MKX: variants seen among roughly 807,000 people sequenced by gnomAD.
MKX encodes homeobox protein Mohawk.
A neutral mutation model predicts 36.0 loss-of-function variants in MKX; 13 were observed. The observed-to-expected ratio is 0.36, with a 90% CI of 0.24 to 0.57. MKX has a LOEUF of 0.57. MKX is among the 20% of genes least tolerant of loss of function. The probability of loss-of-function intolerance (pLI) is 0.79; values close to 1 mark genes in which losing one functional copy is unlikely to be tolerated. For missense variants in MKX, 458 were observed against 456.4 expected, an observed-to-expected ratio of 1.00 and a Z score of -0.03; for synonymous variants, 176 against 178.3, an observed-to-expected ratio of 0.99 and a Z score of 0.10.
chr10:27,707,923 G>C (rs1252274066), intron 5 of MKX, among the ~76,000 whole-genome samples: 2 of 152,168 alleles, frequency 1.3e-5, no homozygotes, highest in African/African-American at 4.8e-5. Flanking sequence ...TGTCACACAA[G>C]TGTAGATGAA....
intron 5 of MKX, among the ~76,000 whole-genome samples, chr10:27,730,755 G>T (rs1347629543): frequency 6.6e-6 from 1 of 151,808 alleles, no homozygotes; most frequent in Non-Finnish European, 1.5e-5. Flanking sequence ...ACCATGCCCG[G>T]CCTCAATTGG....
At chr10:27,684,080 G>A (rs1364238340) in intron 5 of MKX, among the ~76,000 whole-genome samples, 9 of 152,184 alleles carry the variant, frequency 5.9e-5, no homozygotes, top group Admixed American at 2.0e-4. Context: ...TTGGGAGACC[G>A]AGGTGGGAGG....
In MKX at chr10:27,742,406, C is replaced by G. The variant is rs1305210742; in HGVS notation, c.188+822G>C. Among the ~76,000 whole-genome samples, 2 of 152,170 alleles carry G rather than the reference C, an allele frequency of 1.3e-5. No homozygotes were observed. The highest frequency in any genetic ancestry group is 2.9e-5 in the Non-Finnish European group (2 of 68,010). On this transcript the variant is annotated intron_variant, in intron 2 of 6. Transcript: ENST00000419761. The surrounding 1 kb of genome is among the most constrained non-coding windows in gnomAD (Gnocchi z 4.2). ...CTTTGAAATGCAATTCCACCCGAAA[C>G]GACTGGTAGTAACATTTTGACGAAA...
chr10:27,740,407 C>T (rs113442829), intron 3 of MKX, among the ~76,000 whole-genome samples: 24 of 152,180 alleles, frequency 1.6e-4, no homozygotes, highest in African/African-American at 5.1e-4. Flanking sequence ...TTCAAGCCAC[C>T]GTATTTATTT....
intron 5 of MKX, among the ~76,000 whole-genome samples, chr10:27,690,690 G>A (rs969519678): frequency 1.4e-4 from 21 of 152,150 alleles, no homozygotes; most frequent in African/African-American, 4.8e-4. Flanking sequence ...GTGGCACTCT[G>A]CTCCCTGACT....
At chr10:27,686,633 T>C (rs546287841) in intron 5 of MKX, among the ~76,000 whole-genome samples, 5 of 151,858 alleles carry the variant, frequency 3.3e-5, no homozygotes, top group East Asian at 3.9e-4. Flanking sequence ...CCCACCACCA[T>C]GCCCAGCTAA....
In MKX at chr10:27,734,670, G is replaced by A; in HGVS notation, c.624C>T (p.Ala208=). 1 of 1,614,092 alleles carries A rather than the reference G, an allele frequency of 6.2e-7. No homozygotes were observed. Residue 208 remains alanine, a synonymous_variant, in exon 5 of 7, where the codon GCC becomes GCT. Coordinates refer to ENST00000419761, the MANE Select transcript of MKX (RefSeq NM_173576.3). ...IKAGVRPESR[A]SEDYVAPPKY... Reference sequence around the variant, plus strand: ...TGGGGGGTGCCACGTAGTCCTCACTGGCCCGTGACTCTGGCCTCACTCCCG... The same window carrying A: ...TGGGGGGTGCCACGTAGTCCTCACTAGCCCGTGACTCTGGCCTCACTCCCG...
intron 5 of MKX, among the ~76,000 whole-genome samples, chr10:27,728,395 A>G (rs746865839): frequency 6.6e-6 from 1 of 152,340 alleles, no homozygotes; most frequent in South Asian, 2.1e-4. Flanking sequence ...TGTCAGGGGG[A>G]ATATTCACTG....
At chr10:27,692,866 G>A (rs1457557061) in intron 5 of MKX, among the ~76,000 whole-genome samples, 2 of 152,170 alleles carry the variant, frequency 1.3e-5, no homozygotes, top group Admixed American at 1.3e-4. Flanking sequence ...AGCCCTGCGA[G>A]GTAGCTGGAG....
chr10:27,675,953 G>T (rs894825904), intron 5 of MKX, among the ~76,000 whole-genome samples: 2 of 152,100 alleles, frequency 1.3e-5, no homozygotes, highest in African/African-American at 4.8e-5. Flanking sequence ...ACAATGTCAG[G>T]GATTCAGTTC....
chr10:27,735,263 C>G lies in MKX; in HGVS notation c.460G>C (p.Ala154Pro), dbSNP rs1183953974. The G allele has an allele frequency of 5.6e-6, 9 of 1,612,408 alleles. No individual in the cohort carries two copies. The Admixed American group carries it at 1.0e-4, about 18-fold the overall frequency. ...KLYNKYVQGN[A>P]ERLSVSSDDS... ...TCACTGCTTACGCTAAGCCGTTCAG[C>G]ATTGCCTTGAACATACTTGTTGTAT... is the stretch of plus-strand genomic sequence containing the variant. The change falls in exon 4 of 7, where the codon GCT becomes CCT. Residue 154 changes from alanine to proline, a missense_variant. Transcript: ENST00000419761.
intron 5 of MKX, among the ~76,000 whole-genome samples, chr10:27,690,529 T>G (rs145142942): frequency 6.6e-6 from 1 of 152,204 alleles, no homozygotes; most frequent in African/African-American, 2.4e-5. Flanking sequence ...GTACGTGACC[T>G]TGGGCAAGTT....
chr10:27,675,944 C>T (rs1478226336), intron 5 of MKX, among the ~76,000 whole-genome samples: 1 of 152,192 alleles, frequency 6.6e-6, no homozygotes, highest in Non-Finnish European at 1.5e-5. Flanking sequence ...TGACCTCCCA[C>T]AATGTCAGGG....
chr10:27,726,443 A>G (rs1402862550), intron 5 of MKX, among the ~76,000 whole-genome samples: 2 of 152,204 alleles, frequency 1.3e-5, no homozygotes, highest in African/African-American at 2.4e-5. Context: ...CTCACCTCCA[A>G]AGTAGTAGTA....
intron 5 of MKX, among the ~76,000 whole-genome samples, chr10:27,718,384 T>G (rs552627583): frequency 6.6e-6 from 1 of 152,254 alleles, no homozygotes; most frequent in Admixed American, 6.5e-5. Flanking sequence ...TGTATAATTT[T>G]AGTCAATTAC....
chr10:27,676,448 G>A lies in MKX; in HGVS notation c.839-894C>T, dbSNP rs370744192. 4.1e-4 allele frequency among the ~76,000 whole-genome samples: 62 copies of A among 150,622 alleles called. 1 individual carries two copies. In the East Asian group the frequency reaches 0.011, roughly 28 times the overall value. On this transcript the variant is annotated intron_variant, in intron 5 of 6. Coordinates refer to ENST00000419761, the MANE Select transcript of MKX (RefSeq NM_173576.3). ...GCTGGAGTGCAGTGCTGTGATCTCG[G>A]CTCACTGCAACCTCCACCTCCCAGG...
At chr10:27,683,563 C>A (rs1390982251) in intron 5 of MKX, among the ~76,000 whole-genome samples, 1 of 152,222 alleles carries the variant, frequency 6.6e-6, no homozygotes, top group African/African-American at 2.4e-5. Context: ...AATTAAAAAT[C>A]CGGGGCCTGT....
chr10:27,735,140 G>T, intron 4 of MKX, 81 bp downstream of exon 4: 2 of 1,360,346 alleles, frequency 1.5e-6, no homozygotes, highest in South Asian at 1.7e-5. Context: ...TATTTTGTGA[G>T]AGCAACCTTA....
chr10:27,723,265 A>G (rs1205565119), intron 5 of MKX, among the ~76,000 whole-genome samples: 1 of 152,318 alleles, frequency 6.6e-6, no homozygotes, highest in Admixed American at 6.5e-5. Flanking sequence ...AATATGAATT[A>G]GTGCCATATT....
Sources: allele counts gnomAD v4.1 joint callset (sites outside exome capture counted in the v4.1 genomes callset), GRCh38; gene constraint gnomAD v4.1.1; non-coding constraint Gnocchi (gnomAD v3.1); transcripts MANE v1.5; gene names NCBI Gene and HGNC (gene_info 2026-07-23, HGNC 2026-07-21).